Variants in THOC2 observed in about 807,000 individuals in gnomAD.
THOC2 encodes THO complex subunit 2.
In THOC2, 10 loss-of-function variants were observed where a neutral mutation model predicts 128.4. The ratio of observed to expected loss-of-function variants is 0.08; its 90% CI spans 0.05 to 0.13. The LOEUF (loss-of-function observed/expected upper bound fraction) is 0.13. Ranked by LOEUF, THOC2 falls within the 10% of genes least tolerant of loss-of-function variation. The probability of loss-of-function intolerance (pLI) is 1.00; values close to 1 mark genes in which losing one functional copy is unlikely to be tolerated. For missense variants in THOC2, 535 were observed against 1,155.7 expected (o/e 0.46, Z 7.79); for synonymous variants, 393 against 396.9 (o/e 0.99, Z 0.12).
rs764578770 is a variant in THOC2, at chrX:123,623,849, T to C, written c.3441A>G (p.Arg1147=). Residue 1147 remains arginine, a synonymous_variant, in exon 28 of 39, where the codon AGA becomes AGG. Coordinates refer to ENST00000245838, the MANE Select transcript of THOC2 (RefSeq NM_001081550.2). Reference sequence around the variant, plus strand: ...TTTCTTCTTGGCAGATTTTGTGTACTCTTCTTTCCAAAGCTTGACCCAGAT... The same window carrying C: ...TTTCTTCTTGGCAGATTTTGTGTACCCTTCTTTCCAAAGCTTGACCCAGAT... ...VLNLGQALER[R]VHKICQEEKE... The C allele has an allele frequency of 2.5e-6, 3 of 1,211,465 alleles. No homozygotes were observed. The Admixed American group carries it at 6.5e-5, about 26-fold the overall frequency.
chrX:123,658,322 T>C, intron 12 of THOC2, among the ~76,000 whole-genome samples: 1 of 111,693 alleles, frequency 9.0e-6, no homozygotes, highest in Admixed American at 9.6e-5. Flanking sequence ...ACACTGATCA[T>C]CTAAATGCAC....
intron 10 of THOC2, among the ~76,000 whole-genome samples, 191 bp from the exon 11 acceptor site, chrX:123,667,469 C>T (rs760785587): frequency 3.6e-5 from 4 of 111,676 alleles, no homozygotes; most frequent in Middle Eastern, 4.6e-3. Context: ...CCAGGCGCAG[C>T]GGCTCACACC....
Position 123,640,676 on chromosome X carries a change from T to C in THOC2, c.1662-54A>G, listed in dbSNP as rs192653738. 1.8e-4 allele frequency: 126 copies of C among 705,450 alleles called. No individual in the cohort carries two copies. In the African/African-American group the frequency reaches 1.9e-3, roughly 10 times the overall value. 58.1% of individuals were successfully genotyped at this position (705,450 alleles called of 1,213,427 possible). A position where few individuals can be genotyped will look rare whatever the true frequency, so the allele number is the denominator to read the frequency against. On this transcript the variant is annotated intron_variant, in intron 15 of 38. Transcript: ENST00000245838. Reference sequence around the variant, plus strand: ...TCATCTTAAGTAACATTCCTTGTAATGTTGATAGCTTTGTTACATCATCGT... The same window carrying C: ...TCATCTTAAGTAACATTCCTTGTAACGTTGATAGCTTTGTTACATCATCGT...
At chrX:123,708,413 A>T (rs1246808531) in intron 2 of THOC2, among the ~76,000 whole-genome samples, 1 of 112,092 alleles carries the variant, frequency 8.9e-6, no homozygotes, top group Admixed American at 9.5e-5. Context: ...TAAGAGGTCA[A>T]CTTTATGCTT....
At chrX:123,642,556 G>A (rs969600671) in intron 15 of THOC2, among the ~76,000 whole-genome samples, 1 of 110,435 alleles carries the variant, frequency 9.1e-6, no homozygotes, top group Non-Finnish European at 1.9e-5. Context: ...CTAAAAAAGA[G>A]CAATCAACAG....
At position 123,699,215 on chromosome X, in the gene THOC2, T is replaced by C. The variant is rs189524189; in HGVS notation, c.275-1464A>G. 4.5e-5 allele frequency among the ~76,000 whole-genome samples: 5 copies of C among 111,997 alleles called. No homozygotes were observed. The East Asian group carries it at 1.4e-3, about 31-fold the overall frequency. On this transcript the variant is annotated intron_variant, in intron 4 of 38. Transcript: ENST00000245838. ...AAGAGAAGCACTGGTTTTAGTGAAG[T>C]AATAAAAATTGTCATCTACATGTTC...
chrX:123,658,352 G>A (rs2048692808), intron 12 of THOC2, among the ~76,000 whole-genome samples: 1 of 111,762 alleles, frequency 8.9e-6, no homozygotes, highest in Non-Finnish European at 1.9e-5. Flanking sequence ...TACAAAGACT[G>A]TCAGAGTAGA....
intron 2 of THOC2, among the ~76,000 whole-genome samples, chrX:123,711,608 AC>A (rs2051195914): frequency 9.1e-6 from 1 of 109,900 alleles, no homozygotes; most frequent in Admixed American, 9.8e-5. Context: ...ACATGGTGAA[AC>A]CCCGTCTCTA....
At chrX:123,609,670 G>GAA (rs1200324671) in intron 38 of THOC2, among the ~76,000 whole-genome samples, 1 of 111,774 alleles carries the variant, frequency 8.9e-6, no homozygotes, top group Non-Finnish European at 1.9e-5. Context: ...ACGAAGTATA[G>GAA]AAAAGCAAGT....
At chrX:123,617,780 C>A (rs2147569174) in intron 33 of THOC2, among the ~76,000 whole-genome samples, 1 of 111,430 alleles carries the variant, frequency 9.0e-6, no homozygotes, top group African/African-American at 3.2e-5. Flanking sequence ...TTTCAGTAAA[C>A]AAATATTCAG....
intron 4 of THOC2, among the ~76,000 whole-genome samples, chrX:123,700,897 T>C: frequency 9.0e-6 from 1 of 111,184 alleles, no homozygotes; most frequent in Non-Finnish European, 1.9e-5. Context: ...ATCATCATCA[T>C]TATTATTAGA....
chrX:123,686,588 G>A lies in THOC2; in HGVS notation c.728C>T (p.Thr243Ile). 8.3e-7 allele frequency: 1 copy of A among 1,206,701 alleles called. No homozygotes were observed. Among genetic ancestry groups the A allele is most frequent in the Non-Finnish European group, 1.1e-6 (1 of 892,771 alleles). The change falls in exon 8 of 39, where the codon ACA (threonine) becomes ATA (isoleucine). Residue 243 changes from threonine (T) to isoleucine (I), a missense_variant. Thr to Ile is a moderately conservative substitution (Grantham distance 89). Coordinates refer to ENST00000245838, the MANE Select transcript of THOC2 (RefSeq NM_001081550.2). ...ESYMSMCEPQ[T>I]LCHILGFKFK... ...TTTGAACCCAAGAATATGACACAGT[G>A]TTTGCGGTTCACACATACTCATGTA...
intron 33 of THOC2, among the ~76,000 whole-genome samples, chrX:123,615,082 A>G (rs988973013): frequency 9.0e-6 from 1 of 111,644 alleles, no homozygotes; most frequent in African/African-American, 3.2e-5. Flanking sequence ...ACCTAACCTT[A>G]CGGCATTTAT....
chrX:123,715,149 A>C (rs775253649), intron 1 of THOC2, among the ~76,000 whole-genome samples: 5 of 102,081 alleles, frequency 4.9e-5, no homozygotes, highest in East Asian at 3.2e-4. Context: ...CAGCACCACC[A>C]CCCCCCCAAC....
Position 123,631,861 on chromosome X carries a change from A to G in THOC2, c.2317-9T>C. 1 of 1,176,763 alleles carries G rather than the reference A, an allele frequency of 8.5e-7. No individual in the cohort carries two copies. The highest frequency in any genetic ancestry group is 3.0e-5 in the East Asian group (1 of 33,400). ...ACCAGGGTATCATGACACTAAATTTAAAAAATAAGACAAAATCAACATATT... is the reference window on the plus strand; with the variant it reads ...ACCAGGGTATCATGACACTAAATTTGAAAAATAAGACAAAATCAACATATT... On this transcript the variant is annotated splice_polypyrimidine_tract_variant and intron_variant, in intron 21 of 38. Coordinates refer to ENST00000245838, the MANE Select transcript of THOC2 (RefSeq NM_001081550.2).
At chrX:123,614,245 CTTGT>C (rs1445224924) in intron 33 of THOC2, 56 bp from the exon 34 acceptor site, 7 of 995,646 alleles carry the variant, frequency 7.0e-6, no homozygotes, top group African/African-American at 1.9e-5. Context: ...ATTGGCATCA[CTTGT>C]TTGTTTACTA....
intron 28 of THOC2, 192 bp downstream of exon 28, chrX:123,623,595 A>G: frequency 1.1e-6 from 1 of 917,236 alleles, no homozygotes; most frequent in Middle Eastern, 2.7e-4. Context: ...TAAAAAAACT[A>G]TCATCCAGTA....
At position 123,670,258 on chromosome X, in the gene THOC2, C is replaced by A. The variant is rs1603291649; in HGVS notation, c.861+1411G>T. Among the ~76,000 whole-genome samples, 3 of 112,316 alleles carry A rather than the reference C, an allele frequency of 2.7e-5. No homozygotes were observed. The South Asian group carries it at 1.1e-3, about 41-fold the overall frequency. ...ATTCCATCCTCATTCCCCCTATATA[C>A]CACCCTAGGCTCCAACCACTCTGAG... On this transcript the variant is annotated intron_variant, in intron 9 of 38. Transcript: ENST00000245838.
At chrX:123,612,626 T>C (rs1476315670) in intron 36 of THOC2, among the ~76,000 whole-genome samples, 2 of 111,663 alleles carry the variant, frequency 1.8e-5, no homozygotes, top group African/African-American at 6.5e-5. Context: ...ATACTGTGAA[T>C]ATACTAAATG....
Sources: allele counts gnomAD v4.1 joint callset (sites outside exome capture counted in the v4.1 genomes callset), GRCh38; gene constraint gnomAD v4.1.1; transcripts MANE v1.5; gene names NCBI Gene and HGNC (gene_info 2026-07-23, HGNC 2026-07-21).